The following BICD2 variants were observed in gnomAD, a reference collection of about 807,000 sequenced individuals.
BICD2 encodes the protein BICD cargo adaptor 2, also known as protein bicaudal D homolog 2.
BICD2 carries 25 observed loss-of-function variants against 72.9 expected under a neutral mutation model. The ratio of observed to expected loss-of-function variants is 0.34; its 90% confidence interval spans 0.25 to 0.48. The LOEUF (loss-of-function observed/expected upper bound fraction) is 0.48, where lower values mean the gene tolerates loss of function less well. Among genes scored for constraint, BICD2 ranks in the 20% least tolerant of loss-of-function variants. BICD2 has a pLI of 0.99. For synonymous variants in BICD2, 501 were observed against 516.1 expected, an observed-to-expected ratio of 0.97 and a Z score of 0.40; for missense variants, 894 against 1,175.2, an observed-to-expected ratio of 0.76 and a Z score of 3.50.
intron 2 of BICD2, 148 bp downstream of exon 2, chr9:92,728,876 G>T: frequency 1.2e-6 from 1 of 806,610 alleles, no homozygotes; most frequent in South Asian, 1.8e-5. Flanking sequence ...GGAGTGCAGT[G>T]GAGGATGAGA....
intron 1 of BICD2, among the ~76,000 whole-genome samples, chr9:92,738,892 C>A (rs1264965703): frequency 6.6e-6 from 1 of 152,186 alleles, no homozygotes; most frequent in African/African-American, 2.4e-5. Flanking sequence ...AAACTGGGAG[C>A]CTCAATTCCT....
chr9:92,754,008 G>C (rs955854910), intron 1 of BICD2, among the ~76,000 whole-genome samples: 15 of 151,996 alleles, frequency 9.9e-5, no homozygotes, highest in Non-Finnish European at 1.5e-5. Context: ...AGCCGGGCAT[G>C]GTGGCGGGTG....
At position 92,720,373 on chromosome 9, in the gene BICD2, G is replaced by C. The variant is rs1564060970; in HGVS notation, c.989C>G (p.Pro330Arg). The C allele has an allele frequency of 1.2e-6, 2 of 1,614,088 alleles. No homozygotes were observed. Among genetic ancestry groups the C allele is most frequent in the Non-Finnish European group, 1.7e-6 (2 of 1,180,030 alleles). Reference sequence around the variant, plus strand: ...ACTGAGTAGGTCGGAGACGAGGCTGGGGGAGGGCGGTGCGAGGCCCTCCTT... The same window carrying C: ...ACTGAGTAGGTCGGAGACGAGGCTGCGGGAGGGCGGTGCGAGGCCCTCCTT... ...PKKEGLAPPS[P>R]SLVSDLLSEL... is the part of the protein sequence containing the mutation. The change falls in exon 4 of 7, where the codon CCC (proline) becomes CGC (arginine). Residue 330 changes from proline (P) to arginine (R), a missense_variant. Physicochemically the swap from Pro to Arg is moderately radical, Grantham distance 103 (BLOSUM62 -2). Around this residue, in one of 5 missense-constraint regions of BICD2, gnomAD observed 371 missense variants for 439.1 expected, o/e 0.84. Coordinates refer to ENST00000356884, the MANE Select transcript of BICD2 (RefSeq NM_001003800.2). This position sits in a 1 kb window ranked among gnomAD's most constrained non-coding sequence, Gnocchi z 5.4.
chr9:92,756,796 G>C (rs1433427544), intron 1 of BICD2, among the ~76,000 whole-genome samples: 2 of 151,728 alleles, frequency 1.3e-5, no homozygotes, highest in Non-Finnish European at 2.9e-5. Flanking sequence ...GAACCCGGGA[G>C]GCAGAGGTTG....
intron 1 of BICD2, among the ~76,000 whole-genome samples, chr9:92,762,279 A>G (rs753511338): frequency 6.6e-6 from 1 of 150,658 alleles, no homozygotes; most frequent in African/African-American, 2.5e-5. Flanking sequence ...AATACTGGCC[A>G]TAATTAAATA....
intron 1 of BICD2, among the ~76,000 whole-genome samples, chr9:92,750,852 G>T (rs1226432553): frequency 6.6e-6 from 1 of 152,190 alleles, no homozygotes; most frequent in African/African-American, 2.4e-5. Context: ...TATTACAAAT[G>T]TATCAAACAA....
In BICD2 at chr9:92,757,320, A is replaced by C. The variant is rs1165258009; in HGVS notation, c.240+7185T>G. ...CAGAACGAGACTGTCTCCAAAAAAAAAAAAAAAAAAAAAAAAAAATTGAGA... is the reference window on the plus strand; with the variant it reads ...CAGAACGAGACTGTCTCCAAAAAAACAAAAAAAAAAAAAAAAAAATTGAGA... On this transcript the variant is annotated intron_variant, in intron 1 of 6. Transcript: ENST00000356884. 6.8e-5 allele frequency among the ~76,000 whole-genome samples: 10 copies of C among 147,676 alleles called. No individual in the cohort carries two copies. The East Asian group carries it at 2.0e-3, about 30-fold the overall frequency.
At chr9:92,753,481 A>T (rs1006211855) in intron 1 of BICD2, among the ~76,000 whole-genome samples, 9 of 152,208 alleles carry the variant, frequency 5.9e-5, no homozygotes, top group Non-Finnish European at 1.5e-5. Flanking sequence ...AAATCTAAAA[A>T]TTTTCTAAAG....
intron 1 of BICD2, among the ~76,000 whole-genome samples, chr9:92,754,975 ACCTTAAACTCTG>A (rs1854225322): frequency 6.6e-6 from 1 of 152,266 alleles, no homozygotes; most frequent in Non-Finnish European, 1.5e-5. Context: ...AAGAGAGATA[ACCTTAAACTCTG>A]ACCACTGGTG....
At chr9:92,729,551 A>G (rs1019086754) in intron 1 of BICD2, among the ~76,000 whole-genome samples, 5 of 152,262 alleles carry the variant, frequency 3.3e-5, no homozygotes, top group Non-Finnish European at 5.9e-5. Context: ...CATGTGTGAC[A>G]GCAGCTGGGG....
intron 1 of BICD2, among the ~76,000 whole-genome samples, chr9:92,756,922 C>T (rs1039561030): frequency 6.6e-6 from 1 of 151,344 alleles, no homozygotes; most frequent in African/African-American, 2.4e-5. Context: ...CTGGCAGGGG[C>T]AGATAAAGTG....
At chr9:92,755,888 T>G (rs558838529) in intron 1 of BICD2, among the ~76,000 whole-genome samples, 4 of 152,180 alleles carry the variant, frequency 2.6e-5, no homozygotes, top group Non-Finnish European at 4.4e-5. Flanking sequence ...AGGGAGAAAT[T>G]GATCCACCTC....
chr9:92,738,183 G>A (rs374721148), intron 1 of BICD2, among the ~76,000 whole-genome samples: 17 of 152,216 alleles, frequency 1.1e-4, no homozygotes, highest in African/African-American at 9.6e-5. Flanking sequence ...ATGGGGCTAC[G>A]GGGCCAAGTT....
chr9:92,742,013 A>G (rs1047503125), intron 1 of BICD2, among the ~76,000 whole-genome samples: 2 of 152,222 alleles, frequency 1.3e-5, no homozygotes, highest in African/African-American at 2.4e-5. Flanking sequence ...AACTAGAAAC[A>G]TAAGATTTAT....
chr9:92,751,302 G>A (rs1587688494), intron 1 of BICD2, among the ~76,000 whole-genome samples: 2 of 151,914 alleles, frequency 1.3e-5, no homozygotes, highest in South Asian at 4.2e-4. Flanking sequence ...AGACACCTGG[G>A]ACCACGCCCG....
intron 1 of BICD2, among the ~76,000 whole-genome samples, chr9:92,762,277 C>T (rs1304045080): frequency 6.7e-6 from 1 of 150,226 alleles, no homozygotes; most frequent in African/African-American, 2.5e-5. Context: ...ATAATACTGG[C>T]CATAATTAAA....
At position 92,719,424 on chromosome 9, in the gene BICD2, C is replaced by T; in HGVS notation, c.1221G>A (p.Gln407=). 1.2e-6 allele frequency: 2 copies of T among 1,614,188 alleles called. No individual in the cohort carries two copies. Among genetic ancestry groups the T allele is most frequent in the Non-Finnish European group, 8.5e-7 (1 of 1,180,040 alleles). The change falls in exon 5 of 7, where the codon CAG becomes CAA. Residue 407 remains glutamine, a synonymous_variant. Transcript: ENST00000356884. ...GGTCCTTCTCGTTGTCCAGGGCTGT[C>T]TGCCGCTCCTTGCTGGCCTGCAGGC... ...LRRLQASKER[Q]TALDNEKDRD... is the part of the protein sequence containing the mutation.
rs1200601940 is a variant in BICD2, at chr9:92,717,783, A to G, written c.2258+14T>C. On this transcript the variant is annotated intron_variant, in intron 6 of 6. Coordinates refer to ENST00000356884, the MANE Select transcript of BICD2 (RefSeq NM_001003800.2). ...GCCTTGTGGAAGGGGAGGGCCCGAC[A>G]GCAGCACGGTTACCTGGTGGCAAAC... 5.6e-6 allele frequency: 9 copies of G among 1,601,274 alleles called. No individual in the cohort carries two copies. Among genetic ancestry groups the G allele is most frequent in the Non-Finnish European group, 8.5e-7 (1 of 1,174,054 alleles).
chr9:92,740,257 G>C (rs543379672), intron 1 of BICD2, among the ~76,000 whole-genome samples: 1 of 152,260 alleles, frequency 6.6e-6, no homozygotes, highest in East Asian at 1.9e-4. Flanking sequence ...TCTAAAAAAG[G>C]AAGAAATTCC....
Sources: allele counts gnomAD v4.1 joint callset (sites outside exome capture counted in the v4.1 genomes callset), GRCh38; gene constraint gnomAD v4.1.1; regional missense constraint gnomAD v4.1.1; non-coding constraint Gnocchi (gnomAD v3.1); transcripts MANE v1.5; gene names NCBI Gene and HGNC (gene_info 2026-07-23, HGNC 2026-07-21).